Variants in SCFD2 observed in about 807,000 individuals in gnomAD.
The protein encoded by SCFD2 is sec1 family domain-containing protein 2.
A neutral mutation model predicts 58.9 loss-of-function variants in SCFD2; 54 were observed. The ratio of observed to expected loss-of-function variants is 0.92; its 90% CI spans 0.74 to 1.15. The LOEUF (loss-of-function observed/expected upper bound fraction) is 1.15. Among genes scored for constraint, SCFD2 ranks in the 50% most tolerant of loss-of-function variants. The pLI, the probability that SCFD2 is intolerant of heterozygous loss-of-function variation, is 0.00. For synonymous variants in SCFD2, 321 were observed against 335.9 expected (o/e 0.96, Z 0.49); for missense variants, 805 against 836.6 (o/e 0.96, Z 0.47).
At chr4:53,254,075 C>G (rs544019212) in intron 4 of SCFD2, among the ~76,000 whole-genome samples, 54 of 152,076 alleles carry the variant, frequency 3.6e-4, no homozygotes, top group Non-Finnish European at 7.1e-4. Context: ...GGGAACAACA[C>G]ACACTGGGGC....
At chr4:53,006,364 A>G (rs1721971096) in intron 5 of SCFD2, among the ~76,000 whole-genome samples, 1 of 152,170 alleles carries the variant, frequency 6.6e-6, no homozygotes, top group African/African-American at 2.4e-5. Flanking sequence ...TCTCTCCTAC[A>G]AACTTCACAC....
chr4:53,301,948 A>G (rs2149099276), intron 3 of SCFD2, among the ~76,000 whole-genome samples: 1 of 152,342 alleles, frequency 6.6e-6, no homozygotes, highest in Non-Finnish European at 1.5e-5. Context: ...GATGGGACGT[A>G]TCTCAAAATA....
intron 2 of SCFD2, among the ~76,000 whole-genome samples, chr4:53,314,444 C>T (rs1271028133): frequency 6.6e-6 from 1 of 152,182 alleles, no homozygotes; most frequent in Admixed American, 6.5e-5. Flanking sequence ...TCTGTCTCAC[C>T]CAACATGCTA....
chr4:53,348,717 ATT>A (rs200497451), intron 2 of SCFD2, among the ~76,000 whole-genome samples: 18 of 141,566 alleles, frequency 1.3e-4, no homozygotes, highest in Admixed American at 1.4e-4. Context: ...TTATGACCAT[ATT>A]TTTTTTTTTT....
chr4:52,996,354 C>T (rs909814500), intron 5 of SCFD2, among the ~76,000 whole-genome samples: 3 of 152,236 alleles, frequency 2.0e-5, no homozygotes, highest in African/African-American at 7.2e-5. Context: ...GGAGTGGAGT[C>T]GCCTGACCGT....
chr4:53,301,240 A>T (rs1264998643), intron 3 of SCFD2, among the ~76,000 whole-genome samples: 18 of 152,234 alleles, frequency 1.2e-4, no homozygotes, highest in African/African-American at 4.3e-4. Context: ...AGAATCAAAT[A>T]GATGCAATAA....
intron 5 of SCFD2, among the ~76,000 whole-genome samples, chr4:52,960,231 A>G (rs1183022766): frequency 6.6e-6 from 1 of 152,162 alleles, no homozygotes; most frequent in Non-Finnish European, 1.5e-5. Flanking sequence ...ACTGCCCAAC[A>G]GGTAAGGATG....
chr4:53,311,601 G>T (rs1341344651), intron 3 of SCFD2, among the ~76,000 whole-genome samples: 1 of 151,624 alleles, frequency 6.6e-6, no homozygotes, highest in African/African-American at 2.4e-5. Flanking sequence ...ATTAACCTTA[G>T]CATGAAGACC....
chr4:53,235,688 G>A (rs1216607191), intron 4 of SCFD2, among the ~76,000 whole-genome samples: 2 of 152,200 alleles, frequency 1.3e-5, no homozygotes, highest in African/African-American at 4.8e-5. Context: ...AATGCTCTGA[G>A]ATTCCCCATT....
At chr4:52,917,965 A>G (rs1282686905) in intron 6 of SCFD2, among the ~76,000 whole-genome samples, 1 of 152,224 alleles carries the variant, frequency 6.6e-6, no homozygotes, top group African/African-American at 2.4e-5. Flanking sequence ...ACGGAGGACC[A>G]CTGGGAGGGA....
At chr4:53,074,620 G>A (rs1723917190) in intron 5 of SCFD2, among the ~76,000 whole-genome samples, 1 of 152,158 alleles carries the variant, frequency 6.6e-6, no homozygotes, top group Admixed American at 6.5e-5. Context: ...GCGACAGAAT[G>A]GATGCTGTGT....
intron 3 of SCFD2, among the ~76,000 whole-genome samples, chr4:53,285,543 T>C (rs1278442121): frequency 2.0e-5 from 3 of 151,902 alleles, no homozygotes; most frequent in Admixed American, 6.6e-5. Flanking sequence ...TGACTAGAGT[T>C]GCCTCATGTT....
rs73817542 is a variant in SCFD2, at chr4:53,221,355, A to G, written c.1311+52471T>C. Among the ~76,000 whole-genome samples, 812 of 152,366 alleles carry G rather than the reference A, an allele frequency of 5.3e-3. 12 individuals carry two copies. The highest frequency in any genetic ancestry group is 0.018 in the African/African-American group (768 of 41,588). ...CTGAAAATTAAATCCTTTGACTCCCATTCACAAGCATCCTTGTCTATTGAG... is the reference window on the plus strand; with the variant it reads ...CTGAAAATTAAATCCTTTGACTCCCGTTCACAAGCATCCTTGTCTATTGAG... On this transcript the variant is annotated intron_variant, in intron 4 of 8. Transcript: ENST00000401642.
At chr4:53,182,705 A>G (rs1206096685) in intron 4 of SCFD2, among the ~76,000 whole-genome samples, 1 of 152,206 alleles carries the variant, frequency 6.6e-6, no homozygotes, top group Non-Finnish European at 1.5e-5. Flanking sequence ...CTACCATCAT[A>G]GTCAACAGGC....
intron 5 of SCFD2, among the ~76,000 whole-genome samples, chr4:52,953,716 G>A (rs940520620): frequency 6.6e-5 from 10 of 152,164 alleles, no homozygotes; most frequent in Non-Finnish European, 1.5e-4. Context: ...TAATCATCAA[G>A]AAGATAATTA....
intron 5 of SCFD2, among the ~76,000 whole-genome samples, chr4:53,128,220 C>T (rs1264908545): frequency 3.3e-5 from 5 of 152,040 alleles, no homozygotes; most frequent in African/African-American, 4.8e-5. Context: ...TTGATTTTTA[C>T]GTGCACATAC....
intron 7 of SCFD2, among the ~76,000 whole-genome samples, chr4:52,899,558 C>T (rs1447891289): frequency 6.6e-6 from 1 of 152,176 alleles, no homozygotes; most frequent in Admixed American, 6.5e-5. Context: ...GGTAACCCGA[C>T]CTTTCTCTCT....
intron 4 of SCFD2, among the ~76,000 whole-genome samples, chr4:53,243,747 C>T (rs1427075127): frequency 6.6e-5 from 10 of 151,276 alleles, no homozygotes; most frequent in Admixed American, 4.6e-4. Context: ...CTTCAAGAGA[C>T]CCATCTCACA....
At chr4:52,892,344 G>A (rs543808579) in intron 7 of SCFD2, among the ~76,000 whole-genome samples, 5 of 152,246 alleles carry the variant, frequency 3.3e-5, no homozygotes, top group Admixed American at 6.5e-5. Flanking sequence ...AAGCCAGTCT[G>A]CTCTTGTTTC....
Sources: allele counts gnomAD v4.1 joint callset (sites outside exome capture counted in the v4.1 genomes callset), GRCh38; gene constraint gnomAD v4.1.1; transcripts MANE v1.5; gene names NCBI Gene and HGNC (gene_info 2026-07-23, HGNC 2026-07-21).